The following HSD11B1 variants were observed in gnomAD, a reference collection of about 807,000 sequenced individuals.
HSD11B1 encodes 11-beta-hydroxysteroid dehydrogenase 1.
In HSD11B1, 15 loss-of-function variants were observed where a neutral mutation model predicts 22.1. The ratio of observed to expected loss-of-function variants is 0.68; its 90% CI spans 0.45 to 1.04. The LOEUF (loss-of-function observed/expected upper bound fraction) is 1.04, where lower values mean the gene tolerates loss of function less well. Ranked by LOEUF, HSD11B1 falls within the 50% of genes least tolerant of loss-of-function variation. The pLI, the probability that HSD11B1 is intolerant of heterozygous loss-of-function variation, is 0.00. For missense variants in HSD11B1, 281 were observed against 357.6 expected (o/e 0.79, Z 1.73); for synonymous variants, 122 against 125.2 (o/e 0.97, Z 0.17).
chr1:209,715,929 C>A (rs1335681916), intron 4 of HSD11B1, among the ~76,000 whole-genome samples: 1 of 152,172 alleles, frequency 6.6e-6, no homozygotes, highest in East Asian at 1.9e-4. Flanking sequence ...CACAAATGAC[C>A]TGATTCAAAA....
rs150362938 is a variant in HSD11B1 at position 209,711,823 on chromosome 1, GT to G, written c.517+4697del. 9.6e-3 allele frequency among the ~76,000 whole-genome samples: 1,466 copies of G among 152,314 alleles called. 32 individuals are homozygous for G. Among genetic ancestry groups the G allele is most frequent in the East Asian group, 0.091 (474 of 5,184 alleles). The stretch of plus-strand genomic sequence containing the variant: ...TCTGCTAGATTTATCTAGGAATTCA[GT>G]TCTGCATCAGCCCCAAAAAGAAAGG... On this transcript the variant is annotated intron_variant, in intron 4 of 5. Coordinates refer to ENST00000367027, the MANE Select transcript of HSD11B1 (RefSeq NM_005525.4).
chr1:209,696,049 T>G (rs1412430313), intron 1 of HSD11B1, among the ~76,000 whole-genome samples: 2 of 152,170 alleles, frequency 1.3e-5, no homozygotes, highest in Non-Finnish European at 2.9e-5. Context: ...AAATGACACA[T>G]GTTACAATAC....
At chr1:209,713,319 A>G (rs1333314634) in intron 4 of HSD11B1, among the ~76,000 whole-genome samples, 1 of 152,216 alleles carries the variant, frequency 6.6e-6, no homozygotes, top group South Asian at 2.1e-4. Flanking sequence ...TTATATCTAA[A>G]TTACAGAACA....
chr1:209,701,780 C>T (rs762635343), upstream of HSD11B1, among the ~76,000 whole-genome samples: 9 of 152,328 alleles, frequency 5.9e-5, no homozygotes, highest in Non-Finnish European at 1.0e-4. Flanking sequence ...GGCTGCCCCT[C>T]CTCACATTTT....
chr1:209,716,646 T>C (rs1227882868), intron 4 of HSD11B1, among the ~76,000 whole-genome samples: 1 of 151,856 alleles, frequency 6.6e-6, no homozygotes, highest in Non-Finnish European at 1.5e-5. Context: ...AGTAATACAT[T>C]ACCTGACTTG....
intron 4 of HSD11B1, among the ~76,000 whole-genome samples, chr1:209,717,797 A>C (rs1558195012): frequency 6.8e-6 from 1 of 147,788 alleles, no homozygotes; most frequent in Non-Finnish European, 1.5e-5. Context: ...ACTTGAACCC[A>C]GGAGGCAGAG....
At chr1:209,690,579 C>A (rs1343120037) in intron 1 of HSD11B1, among the ~76,000 whole-genome samples, 2 of 152,016 alleles carry the variant, frequency 1.3e-5, no homozygotes, top group African/African-American at 4.8e-5. Context: ...TACCTGTAAT[C>A]CCATCTACTC....
At chr1:209,699,948 T>G (rs547274265), upstream of HSD11B1, among the ~76,000 whole-genome samples, 1 of 152,288 alleles carries the variant, frequency 6.6e-6, no homozygotes, top group South Asian at 2.1e-4. Flanking sequence ...CAGGTTACAC[T>G]GATGCAAAAG....
intron 1 of HSD11B1, among the ~76,000 whole-genome samples, chr1:209,690,179 T>G (rs2076750940): frequency 6.6e-6 from 1 of 151,948 alleles, no homozygotes; most frequent in Admixed American, 6.6e-5. Context: ...CAGAGCGTAG[T>G]GGTGCATGCC....
intron 4 of HSD11B1, among the ~76,000 whole-genome samples, chr1:209,720,113 G>A (rs552342263): frequency 6.6e-6 from 1 of 152,182 alleles, no homozygotes; most frequent in South Asian, 2.1e-4. Flanking sequence ...AAATGGTTAA[G>A]ATAGTTTTTT....
At chr1:209,707,525 G>T (rs2076867953) in intron 4 of HSD11B1, among the ~76,000 whole-genome samples, 2 of 152,110 alleles carry the variant, frequency 1.3e-5, no homozygotes, top group South Asian at 4.1e-4. Context: ...TTGTAGGGGG[G>T]TGATTTGTGG....
chr1:209,698,435 G>T lies in HSD11B1; in HGVS notation c.-48-6460G>T, dbSNP rs74340567. 5.9e-3 allele frequency among the ~76,000 whole-genome samples: 906 copies of T among 152,312 alleles called. 10 individuals are homozygous for T. Among genetic ancestry groups the T allele is most frequent in the African/African-American group, 0.021 (866 of 41,570 alleles). ...TTGAGATGCCCACCTGGCTGGGGCT[G>T]TGGTGTCACCCTAGCGTGCTTCCTG... On this transcript the variant is annotated intron_variant, in intron 1 of 6. Transcript: ENST00000261465.
At chr1:209,726,671 C>T (rs1303232519) in intron 4 of HSD11B1, among the ~76,000 whole-genome samples, 2 of 152,282 alleles carry the variant, frequency 1.3e-5, no homozygotes, top group South Asian at 2.1e-4. Flanking sequence ...ACATGTCTGG[C>T]TCCTTCACTA....
chr1:209,705,387 A>G (rs1258513300), intron 1 of HSD11B1, among the ~76,000 whole-genome samples: 1 of 151,958 alleles, frequency 6.6e-6, no homozygotes, highest in Non-Finnish European at 1.5e-5. Flanking sequence ...AAAAAAAAAA[A>G]AAAAACTGGA....
At chr1:209,724,841 C>A (rs1279734214) in intron 4 of HSD11B1, among the ~76,000 whole-genome samples, 1 of 152,120 alleles carries the variant, frequency 6.6e-6, no homozygotes, top group East Asian at 1.9e-4. Context: ...GAAGATTTTT[C>A]TCTCTTCTCT....
chr1:209,696,712 A>C (rs1184943915), intron 1 of HSD11B1, among the ~76,000 whole-genome samples: 1 of 152,238 alleles, frequency 6.6e-6, no homozygotes, highest in Non-Finnish European at 1.5e-5. Context: ...GAATTGACAG[A>C]AGCCAAGGGA....
At chr1:209,721,721 C>CCCTGGGCAGGTGACT (rs1350612309) in intron 4 of HSD11B1, among the ~76,000 whole-genome samples, 1 of 152,230 alleles carries the variant, frequency 6.6e-6, no homozygotes, top group East Asian at 1.9e-4. Flanking sequence ...ACCCAACCAT[C>CCCTGGGCAGGTGACT]CCTGGGCAGG....
intron 1 of HSD11B1, among the ~76,000 whole-genome samples, chr1:209,688,200 T>C (rs1043895322): frequency 4.6e-5 from 7 of 152,156 alleles, no homozygotes; most frequent in African/African-American, 1.4e-4. Flanking sequence ...CAAAATGCCA[T>C]GCTTTCTAGA....
upstream of HSD11B1, among the ~76,000 whole-genome samples, chr1:209,701,005 C>A (rs1351001261): frequency 2.0e-5 from 3 of 152,184 alleles, no homozygotes; most frequent in African/African-American, 7.2e-5. Flanking sequence ...ATTCAACAAG[C>A]CTCTAGGAGG....
Sources: gnomAD v4.1 joint callset for allele counts (sites outside exome capture counted in the v4.1 genomes callset) on GRCh38, gnomAD v4.1.1 for gene constraint, MANE v1.5 for transcripts, NCBI Gene and HGNC (gene_info 2026-07-23, HGNC 2026-07-21) for gene names.